The following GRK2 variants were observed in gnomAD, a reference collection of about 807,000 sequenced individuals.
The protein encoded by GRK2 is G protein-coupled receptor kinase 2.
GRK2 carries 23 observed loss-of-function variants against 97.8 expected under a neutral mutation model. The observed-to-expected ratio is 0.24, with a 90% CI of 0.17 to 0.33. The LOEUF is 0.33. GRK2 is among the 10% of genes least tolerant of loss of function. The pLI is 1.00. For synonymous variants in GRK2, 425 were observed against 381.7 expected, an observed-to-expected ratio of 1.11 and a Z score of -1.32; for missense variants, 633 against 956.9, an observed-to-expected ratio of 0.66 and a Z score of 4.47.
chr11:67,280,466 A>G, intron 6 of GRK2: 1 of 562,180 alleles, frequency 1.8e-6, no homozygotes, highest in South Asian at 2.0e-5. Flanking sequence ...AGACTGGAAG[A>G]CCTCCTTTCT....
chr11:67,282,824 TGCAGGTCTCAGTGCAGGGCC>T lies in GRK2; in HGVS notation c.1227+12_1227+31del. 6.2e-7 allele frequency: 1 copy of T among 1,606,338 alleles called. No individual in the cohort carries two copies. Among genetic ancestry groups the T allele is most frequent in the Non-Finnish European group, 8.5e-7 (1 of 1,178,996 alleles). The stretch of plus-strand genomic sequence containing the variant: ...ACCGCATGACGCTGACGATGGTGGG[TGCAGGTCTCAGTGCAGGGCC>T]GCAGGGGGCTGGGGGGAGCTCCTGT... On this transcript the variant is annotated splice_region_variant and intron_variant, in intron 14 of 20. Coordinates refer to ENST00000308595, the MANE Select transcript of GRK2 (RefSeq NM_001619.5). This position sits in a 1 kb window ranked among gnomAD's most constrained non-coding sequence, Gnocchi z 6.9.
At chr11:67,266,856 C>T (rs1859812839) in intron 1 of GRK2, 44 bp downstream of exon 1, 8 of 1,032,632 alleles carry the variant, frequency 7.7e-6, no homozygotes, top group South Asian at 3.9e-5. Flanking sequence ...CCCGCGGGCG[C>T]CCCGGCCGCG....
chr11:67,273,442 T>G (rs552235500), intron 1 of GRK2, among the ~76,000 whole-genome samples: 1 of 152,268 alleles, frequency 6.6e-6, no homozygotes, highest in South Asian at 2.1e-4. Flanking sequence ...CAGGGAGCAG[T>G]GTTGGAGACA....
chr11:67,277,201 C>A, intron 1 of GRK2, 71 bp from the exon 2 acceptor site: 1 of 1,494,002 alleles, frequency 6.7e-7, no homozygotes, highest in Non-Finnish European at 9.3e-7. Flanking sequence ...GTGCCCTCAG[C>A]TCGCGTTTCT....
In GRK2 at chr11:67,282,456, T is replaced by C; in HGVS notation, c.1074T>C (p.Ala358=). 1 of 1,612,684 alleles carries C rather than the reference T, an allele frequency of 6.2e-7. No homozygotes were observed. The highest frequency in any genetic ancestry group is 8.5e-7 in the Non-Finnish European group (1 of 1,179,624). The change falls in exon 13 of 21, where the codon GCT becomes GCC. Residue 358 remains alanine (A), a synonymous_variant. Transcript: ENST00000308595. This position sits in a 1 kb window ranked among gnomAD's most constrained non-coding sequence, Gnocchi z 6.9. ...HASVGTHGYM[A]PEVLQKGVAY... is the part of the protein sequence containing the mutation. ...ACAGGGGCACCCACGGGTACATGGC[T>C]CCGGAGGTCCTGCAGAAGGGCGTGG...
At chr11:67,277,715 A>G (rs895872507) in intron 2 of GRK2, among the ~76,000 whole-genome samples, 18 of 152,190 alleles carry the variant, frequency 1.2e-4, no homozygotes, top group African/African-American at 4.3e-4. Context: ...GCGCCTGCCG[A>G]GCTGTGGTTG....
At position 67,282,515 on chromosome 11, in the gene GRK2, G is replaced by C. The variant is rs750744453; in HGVS notation, c.1133G>C (p.Gly378Ala). The C allele has an allele frequency of 1.8e-5, 29 of 1,613,592 alleles. No individual in the cohort carries two copies. The highest frequency in any genetic ancestry group is 2.4e-5 in the Non-Finnish European group (28 of 1,179,994). Residue 378 changes from glycine (G) to alanine (A), a missense_variant, in exon 13 of 21, where the codon GGG becomes GCG. Physicochemically the swap from Gly to Ala is moderately conservative, Grantham distance 60. Around this residue, in one of 4 missense-constraint regions of GRK2, gnomAD observed 192 missense variants for 362.3 expected, o/e 0.53. Transcript: ENST00000308595. This position sits in a 1 kb window ranked among gnomAD's most constrained non-coding sequence, Gnocchi z 6.9. ...YDSSADWFSL[G>A]CMLFKLLRGH... Reference sequence around the variant, plus strand: ...AGCAGTGCCGACTGGTTCTCTCTGGGGTGCATGCTCTTCAAGTTGCTGCGG... The same window carrying C: ...AGCAGTGCCGACTGGTTCTCTCTGGCGTGCATGCTCTTCAAGTTGCTGCGG...
chr11:67,272,396 T>C (rs1292203328), intron 1 of GRK2, among the ~76,000 whole-genome samples: 1 of 151,592 alleles, frequency 6.6e-6, no homozygotes, highest in African/African-American at 2.4e-5. Flanking sequence ...TCAGCAAGAG[T>C]GTGTTTGTCT....
In GRK2 at chr11:67,269,364, C is replaced by T. The variant is rs1274822599; in HGVS notation, c.113+2552C>T. Among the ~76,000 whole-genome samples the T allele has an allele frequency of 6.6e-6, 1 of 152,166 alleles. No individual in the cohort carries two copies. Among genetic ancestry groups the T allele is most frequent in the African/African-American group, 2.4e-5 (1 of 41,432 alleles). Reference sequence around the variant, plus strand: ...ATTGAGGCTCAGGGAGGGGAGGAGTCGTGTCCTCGTCACAGAAGAAAGCTG... The same window carrying T: ...ATTGAGGCTCAGGGAGGGGAGGAGTTGTGTCCTCGTCACAGAAGAAAGCTG... On this transcript the variant is annotated intron_variant, in intron 1 of 20. Coordinates refer to ENST00000308595, the MANE Select transcript of GRK2 (RefSeq NM_001619.5). The surrounding 1 kb of genome is among the most constrained non-coding windows in gnomAD (Gnocchi z 4.1).
Position 67,282,047 on chromosome 11 carries a change from T to C in GRK2, c.957+95T>C, listed in dbSNP as rs1218756505. ...ACCAGGCCCAGAGGAGTGGGGCTCC[T>C]GGGACATGGCCGCCCCGTATCTTCC... On this transcript the variant is annotated intron_variant, in intron 11 of 20. Coordinates refer to ENST00000308595, the MANE Select transcript of GRK2 (RefSeq NM_001619.5). This position sits in a 1 kb window ranked among gnomAD's most constrained non-coding sequence, Gnocchi z 6.9. 2.5e-5 allele frequency: 38 copies of C among 1,532,466 alleles called. No homozygotes were observed. The highest frequency in any genetic ancestry group is 3.3e-5 in the Non-Finnish European group (37 of 1,120,114). The allele number at this position is 1,532,466 out of a possible 1,614,324, so 94.9% of individuals were successfully genotyped here.
chr11:67,281,007 G>A lies in GRK2; in HGVS notation c.556-86G>A. 7.8e-7 allele frequency: 1 copy of A among 1,281,942 alleles called. No individual in the cohort carries two copies. The highest frequency in any genetic ancestry group is 1.1e-6 in the Non-Finnish European group (1 of 909,666). The allele number at this position is 1,281,942 out of a possible 1,614,324, so 79.4% of individuals were successfully genotyped here. On this transcript the variant is annotated intron_variant, in intron 7 of 20. Transcript: ENST00000308595. This position sits in a 1 kb window ranked among gnomAD's most constrained non-coding sequence, Gnocchi z 5.7. Reference sequence around the variant, plus strand: ...GACATGGGTATGGGGACCCTGGCATGGGGCCAGCCCCTGCTGCCCAGGTGC... The same window carrying A: ...GACATGGGTATGGGGACCCTGGCATAGGGCCAGCCCCTGCTGCCCAGGTGC...
chr11:67,280,029 G>A lies in GRK2; in HGVS notation c.503+129G>A, dbSNP rs2136500492. On this transcript the variant is annotated intron_variant, in intron 6 of 20. Coordinates refer to ENST00000308595, the MANE Select transcript of GRK2 (RefSeq NM_001619.5). ...GCAGGCAGGTGGCTGGCCCGTCAGC[G>A]GCCCCCTTGCAAGGACTCCTGAGAA... 6 of 921,344 alleles carry A rather than the reference G, an allele frequency of 6.5e-6. No homozygotes were observed. In the East Asian group the frequency reaches 7.7e-5, roughly 12 times the overall value. 57.1% of individuals were successfully genotyped at this position (921,344 alleles called of 1,614,324 possible). A position where few individuals can be genotyped will look rare whatever the true frequency, so the allele number is the denominator to read the frequency against.
chr11:67,274,528 T>TTTTTTTTTTTTTTTG (rs1257954846), intron 1 of GRK2, among the ~76,000 whole-genome samples: 1 of 142,342 alleles, frequency 7.0e-6, no homozygotes, highest in Non-Finnish European at 1.5e-5. Flanking sequence ...TTTTTGCTTT[T>TTTTTTTTTTTTTTTG]TTTCATCCCC....
Position 67,285,467 on chromosome 11 carries a change from T to C in GRK2, c.*17T>C, listed in dbSNP as rs748217493. ...GGCCTCTGACCCGCCCACCCGCCTT[T>C]TATAAACCTCTAATTTATTTTGTCG... On this transcript the variant is annotated 3_prime_UTR_variant, in exon 21 of 21. Coordinates refer to ENST00000308595, the MANE Select transcript of GRK2 (RefSeq NM_001619.5). 6.6e-7 allele frequency: 1 copy of C among 1,521,994 alleles called. No individual in the cohort carries two copies. The highest frequency in any genetic ancestry group is 2.3e-5 in the East Asian group (1 of 43,158). The allele number at this position is 1,521,994 out of a possible 1,614,324, so 94.3% of individuals were successfully genotyped here. A position where few individuals can be genotyped will look rare whatever the true frequency, so the allele number is the denominator to read the frequency against.
chr11:67,266,717 G>A lies in GRK2; in HGVS notation c.18G>A (p.Ala6=). ...CCGCCAAGATGGCGGACCTGGAGGC[G>A]GTGCTGGCCGACGTGAGCTACCTGA... MADLE[A]VLADVSYLMA... Residue 6 remains alanine (A), a synonymous_variant, in exon 1 of 21, where the codon GCG becomes GCA. Coordinates refer to ENST00000308595, the MANE Select transcript of GRK2 (RefSeq NM_001619.5). 7.7e-7 allele frequency: 1 copy of A among 1,290,558 alleles called. No homozygotes were observed. The highest frequency in any genetic ancestry group is 9.9e-7 in the Non-Finnish European group (1 of 1,008,802). 79.9% of individuals were successfully genotyped at this position (1,290,558 alleles called of 1,614,324 possible).
intron 1 of GRK2, among the ~76,000 whole-genome samples, chr11:67,274,145 T>C (rs1859971800): frequency 1.3e-5 from 2 of 151,976 alleles, no homozygotes; most frequent in South Asian, 2.1e-4. Flanking sequence ...CCTGAGTAGC[T>C]GGGACTACAG....
At chr11:67,279,591 T>A (rs376451291) in intron 4 of GRK2, 35 bp from the exon 5 acceptor site, 4 of 1,612,798 alleles carry the variant, frequency 2.5e-6, no homozygotes, top group Non-Finnish European at 3.4e-6. Flanking sequence ...GAGAGGACCC[T>A]GCTGAGAATT....
At position 67,286,390 on chromosome 11, in the gene GRK2, C is replaced by G. The variant is rs1372076991; in HGVS notation, c.*940C>G. 4.3e-6 allele frequency: 3 copies of G among 700,504 alleles called. No homozygotes were observed. In the South Asian group the frequency reaches 4.4e-5, roughly 10 times the overall value. 43.4% of individuals were successfully genotyped at this position (700,504 alleles called of 1,614,324 possible). A position where few individuals can be genotyped will look rare whatever the true frequency, so the allele number is the denominator to read the frequency against. On this transcript the variant is annotated 3_prime_UTR_variant, in exon 21 of 21. Transcript: ENST00000308595. ...TCGCCCACCGCATGCCCCCTCGTGCCAGTCGCGCTGCCTGTGTGGTGTCGC... is the reference window on the plus strand; with the variant it reads ...TCGCCCACCGCATGCCCCCTCGTGCGAGTCGCGCTGCCTGTGTGGTGTCGC...
chr11:67,284,682 G>A (rs952119381), intron 18 of GRK2, 165 bp from the exon 19 acceptor site: 18 of 977,980 alleles, frequency 1.8e-5, no homozygotes, highest in Non-Finnish European at 2.2e-5. Context: ...CCAGCTACCC[G>A]GGAGGCTGAG....
Sources: allele counts gnomAD v4.1 joint callset (sites outside exome capture counted in the v4.1 genomes callset), GRCh38; gene constraint gnomAD v4.1.1; regional missense constraint gnomAD v4.1.1; non-coding constraint Gnocchi (gnomAD v3.1); transcripts MANE v1.5; gene names NCBI Gene and HGNC (gene_info 2026-07-23, HGNC 2026-07-21).